Variants in USP24 observed in about 807,000 individuals in gnomAD.
The protein encoded by USP24 is ubiquitin carboxyl-terminal hydrolase 24.
Under a neutral mutation model 361.6 loss-of-function variants are expected in USP24, and 97 were observed. That is an observed-to-expected ratio of 0.27 (90% CI 0.23 to 0.32). The LOEUF (loss-of-function observed/expected upper bound fraction) is 0.32, where lower values mean the gene tolerates loss of function less well. Among genes scored for constraint, USP24 ranks in the 10% least tolerant of loss-of-function variants. The pLI is 1.00. For missense variants in USP24, 2,353 were observed against 3,165.6 expected (o/e 0.74, Z 6.16); for synonymous variants, 1,098 against 1,124.6 (o/e 0.98, Z 0.47).
At chr1:55,147,219 A>T (rs1647051780) in intron 18 of USP24, among the ~76,000 whole-genome samples, 159 bp from the exon 19 acceptor site, 1 of 152,222 alleles carries the variant, frequency 6.6e-6, no homozygotes, top group Non-Finnish European at 1.5e-5. Context: ...TTACAAATTG[A>T]TAGTACAATG....
At chr1:55,190,909 T>C (rs1178595313) in intron 1 of USP24, among the ~76,000 whole-genome samples, 1 of 152,242 alleles carries the variant, frequency 6.6e-6, no homozygotes, top group East Asian at 1.9e-4. Flanking sequence ...TTTTCAAGTA[T>C]ATTAATAAAA....
chr1:55,150,014 A>G (rs1311824778), intron 16 of USP24, among the ~76,000 whole-genome samples: 1 of 152,228 alleles, frequency 6.6e-6, no homozygotes, highest in East Asian at 1.9e-4. Flanking sequence ...GAAGGGCTGT[A>G]CCACTCAGCA....
At chr1:55,108,656 G>C (rs1645860928) in intron 39 of USP24, among the ~76,000 whole-genome samples, 1 of 152,140 alleles carries the variant, frequency 6.6e-6, no homozygotes. Context: ...CTTAACAAGA[G>C]ATCCTGGGTC....
Position 55,154,773 on chromosome 1 carries a change from T to C in USP24, c.1452A>G (p.Gly484=). 7.5e-6 allele frequency: 12 copies of C among 1,608,096 alleles called. No individual in the cohort carries two copies. Among genetic ancestry groups the C allele is most frequent in the Non-Finnish European group, 1.0e-5 (12 of 1,177,032 alleles). ...TGTTCTCAATCACAGTAGATGATTG[T>C]CCTGACTGGAAAAGGAAACATTGGA... ...ELTKIWKIQS[G]QSSTVIENIH... is the part of the protein sequence containing the mutation. Residue 484 remains glycine (G), a synonymous_variant, in exon 13 of 68, where the codon GGA becomes GGG. Transcript: ENST00000294383.
chr1:55,098,644 G>T, intron 45 of USP24, 86 bp from the exon 46 acceptor site: 1 of 985,318 alleles, frequency 1.0e-6, no homozygotes, highest in Non-Finnish European at 1.6e-6. Flanking sequence ...GCAATTTAAG[G>T]ACCAAAACAA....
intron 1 of USP24, among the ~76,000 whole-genome samples, chr1:55,207,721 G>GC (rs1229050198): frequency 6.6e-6 from 1 of 152,170 alleles, no homozygotes; most frequent in Admixed American, 6.5e-5. Flanking sequence ...CCTGGAACCA[G>GC]CCCCCTATGG....
intron 19 of USP24, among the ~76,000 whole-genome samples, chr1:55,146,662 AACTT>A (rs1647037780): frequency 6.6e-6 from 1 of 152,168 alleles, no homozygotes; most frequent in African/African-American, 2.4e-5. Flanking sequence ...GAAGGGAAAA[AACTT>A]AAATATATCT....
At chr1:55,138,135 C>T (rs1646789228) in intron 26 of USP24, among the ~76,000 whole-genome samples, 2 of 151,816 alleles carry the variant, frequency 1.3e-5, no homozygotes, top group African/African-American at 4.8e-5. Context: ...TCAAGCCCTT[C>T]TTCCACTGCA....
chr1:55,117,483 C>T (rs1646148155), intron 38 of USP24, among the ~76,000 whole-genome samples: 1 of 151,032 alleles, frequency 6.6e-6, no homozygotes, highest in South Asian at 2.1e-4. Context: ...AATCCCAGCA[C>T]TTTGGGAGGC....
At chr1:55,212,156 G>C (rs920143489) in intron 1 of USP24, among the ~76,000 whole-genome samples, 2 of 152,178 alleles carry the variant, frequency 1.3e-5, no homozygotes, top group Non-Finnish European at 2.9e-5. Flanking sequence ...TGTTAAACAA[G>C]GGAGCTGCAC....
intron 55 of USP24, among the ~76,000 whole-genome samples, chr1:55,087,680 A>G (rs1249847924): frequency 6.6e-6 from 1 of 152,190 alleles, no homozygotes; most frequent in Admixed American, 6.5e-5. Flanking sequence ...ACTGCTTGCT[A>G]TTTGCCAGCC....
In USP24 at chr1:55,096,898, C is replaced by T. The variant is rs541957584; in HGVS notation, c.5936+54G>A. 4.8e-5 allele frequency: 75 copies of T among 1,564,720 alleles called. No homozygotes were observed. In the Admixed American group the frequency reaches 5.9e-4, roughly 12 times the overall value. On this transcript the variant is annotated intron_variant, in intron 49 of 67. Transcript: ENST00000294383. The stretch of plus-strand genomic sequence containing the variant: ...CCACAGCGGTGAGTATGGATGATAA[C>T]GGAGAGCAGGGGAGGGCAGAAAGTG...
At chr1:55,111,156 T>C (rs1401997841) in intron 38 of USP24, among the ~76,000 whole-genome samples, 5 of 151,978 alleles carry the variant, frequency 3.3e-5, no homozygotes, top group Non-Finnish European at 7.4e-5. Flanking sequence ...GTATTTAGCA[T>C]GCAACTATCA....
chr1:55,193,309 C>G (rs1644336808), intron 1 of USP24, among the ~76,000 whole-genome samples: 1 of 152,058 alleles, frequency 6.6e-6, no homozygotes, highest in Admixed American at 6.6e-5. Context: ...CAGGTGGATA[C>G]AGATTTTGGT....
At chr1:55,081,193 A>T in intron 59 of USP24, 129 bp downstream of exon 59, 1 of 911,374 alleles carries the variant, frequency 1.1e-6, no homozygotes, top group Non-Finnish European at 1.6e-6. Context: ...TAAAACAAAA[A>T]TTTTAAGTGC....
At chr1:55,119,775 T>C (rs1239842208) in intron 38 of USP24, among the ~76,000 whole-genome samples, 1 of 152,164 alleles carries the variant, frequency 6.6e-6, no homozygotes, top group Non-Finnish European at 1.5e-5. Flanking sequence ...GTTTGGTGAT[T>C]GACTTTTGAC....
At chr1:55,189,102 T>C (rs1169261454) in intron 1 of USP24, among the ~76,000 whole-genome samples, 3 of 152,186 alleles carry the variant, frequency 2.0e-5, no homozygotes, top group Admixed American at 2.0e-4. Context: ...GTTTGGCAGT[T>C]CCTCAAAGGT....
intron 1 of USP24, among the ~76,000 whole-genome samples, chr1:55,194,789 T>C (rs1339630998): frequency 6.6e-6 from 1 of 152,124 alleles, no homozygotes; most frequent in Non-Finnish European, 1.5e-5. Flanking sequence ...CTAACATTCC[T>C]AACCCCGGAA....
rs201655570 is a variant in USP24, at chr1:55,200,531, C to CT, written c.324+14258dup. On this transcript the variant is annotated intron_variant, in intron 1 of 67. Transcript: ENST00000294383. ...CCTCCTCCTACTCCCACTCCACATA[C>CT]TTTTTTTTTATTTTGGGAGGAGAAA... Among the ~76,000 whole-genome samples the CT allele has an allele frequency of 6.4e-3, 970 of 151,692 alleles. 7 individuals carry two copies. The highest frequency in any genetic ancestry group is 0.021 in the African/African-American group (887 of 41,372).
Sources: gnomAD v4.1 joint callset for allele counts (sites outside exome capture counted in the v4.1 genomes callset) on GRCh38, gnomAD v4.1.1 for gene constraint, MANE v1.5 for transcripts, NCBI Gene and HGNC (gene_info 2026-07-23, HGNC 2026-07-21) for gene names.